The following DIP2A variants were observed in gnomAD, a reference collection of about 807,000 sequenced individuals.
DIP2A encodes the protein disco-interacting protein 2 homolog A.
DIP2A carries 85 observed loss-of-function variants against 177.4 expected under a neutral mutation model. That is an observed-to-expected ratio of 0.48 (90% CI 0.40 to 0.57). DIP2A has a LOEUF of 0.57. Ranked by LOEUF, DIP2A falls within the 20% of genes least tolerant of loss-of-function variation. DIP2A has a pLI of 0.00. For synonymous variants in DIP2A, 886 were observed against 881.8 expected (o/e 1.00, Z -0.08); for missense variants, 1,791 against 2,100.2 (o/e 0.85, Z 2.88).
At chr21:46,488,666 C>T (rs1306137970) in intron 2 of DIP2A, among the ~76,000 whole-genome samples, 1 of 152,294 alleles carries the variant, frequency 6.6e-6, no homozygotes, top group East Asian at 1.9e-4. Context: ...TGGCAAAATT[C>T]TAGAACTTTT....
rs547541983 is a variant in DIP2A, at chr21:46,498,229, T to C, written c.404-353T>C. 2.8e-4 allele frequency among the ~76,000 whole-genome samples: 42 copies of C among 152,324 alleles called. 1 individual carries two copies. In the South Asian group the frequency reaches 8.5e-3, roughly 31 times the overall value. ...GATGTGTGGATATGGTGTCCGACTCTGTGGACATGCAGTGCAGCACTGAAT... is the reference window on the plus strand; with the variant it reads ...GATGTGTGGATATGGTGTCCGACTCCGTGGACATGCAGTGCAGCACTGAAT... On this transcript the variant is annotated intron_variant, in intron 4 of 37. Transcript: ENST00000417564. This position sits in a 1 kb window ranked among gnomAD's most constrained non-coding sequence, Gnocchi z 4.3.
chr21:46,519,347 C>G (rs1027111166), intron 8 of DIP2A, among the ~76,000 whole-genome samples: 1 of 152,108 alleles, frequency 6.6e-6, no homozygotes, highest in Admixed American at 6.5e-5. Flanking sequence ...GGGGTGCAGC[C>G]CAGCAGATCT....
chr21:46,459,234 C>A lies in DIP2A; in HGVS notation c.91+12C>A, dbSNP rs763991675. 22 of 1,520,036 alleles carry A rather than the reference C, an allele frequency of 1.4e-5. No individual in the cohort carries two copies. The South Asian group carries it at 2.3e-4, about 16-fold the overall frequency. The allele number at this position is 1,520,036 out of a possible 1,614,324, so 94.2% of individuals were successfully genotyped here. A position where few individuals can be genotyped will look rare whatever the true frequency, so the allele number is the denominator to read the frequency against. On this transcript the variant is annotated intron_variant, in intron 1 of 37. Transcript: ENST00000417564. ...GGAGCTGTCGGAAGGTGAGCCGGAC[C>A]CCGCCCTCAACCCCCGCGACCCGCC...
intron 16 of DIP2A, 163 bp downstream of exon 16, chr21:46,538,765 TG>T (rs1187029711): frequency 1.8e-6 from 2 of 1,085,270 alleles, no homozygotes; most frequent in African/African-American, 3.2e-5. Flanking sequence ...GGTGATTCAC[TG>T]GTTTATCCCA....
rs2058247569 is a variant in DIP2A, at chr21:46,510,387, C to G, written c.904+1011C>G. Among the ~76,000 whole-genome samples the G allele has an allele frequency of 2.0e-5, 3 of 152,160 alleles. No homozygotes were observed. In the South Asian group the frequency reaches 6.2e-4, roughly 32 times the overall value. ...CGTTAATCTCCTTTGGCAACACCCT[C>G]ACAGACACACCCAGGAAGAATACTT... On this transcript the variant is annotated intron_variant, in intron 7 of 37. Transcript: ENST00000417564.
At chr21:46,572,767 CTGTTA>C (rs1385244974), downstream of DIP2A, among the ~76,000 whole-genome samples, 2 of 152,168 alleles carry the variant, frequency 1.3e-5, no homozygotes, top group Non-Finnish European at 2.9e-5. Context: ...TTCAGGTGTT[CTGTTA>C]TAAGCAACAT....
chr21:46,554,663 C>T lies in DIP2A; in HGVS notation c.3243C>T (p.Gly1081=), dbSNP rs189379480. Residue 1081 remains glycine (G), a synonymous_variant, in exon 27 of 38, where the codon GGC becomes GGT. Transcript: ENST00000417564. ...TVRPPHPQNL[G]TTLPTVKMIV... ...GGCCCCCGCACCCTCAGAACCTCGG[C>T]ACCACACTGCCCACCGTCAAGATGA... is the stretch of plus-strand genomic sequence containing the variant. 1,876 of 1,581,904 alleles carry T rather than the reference C, an allele frequency of 1.2e-3. 5 individuals are homozygous for T. The highest frequency in any genetic ancestry group is 1.2e-3 in the Non-Finnish European group (1,445 of 1,164,808).
At chr21:46,494,133 T>C (rs2057174213) in intron 3 of DIP2A, among the ~76,000 whole-genome samples, 1 of 152,232 alleles carries the variant, frequency 6.6e-6, no homozygotes. Flanking sequence ...TAATAGCAAA[T>C]ATTCAGCCAA....
intron 34 of DIP2A, among the ~76,000 whole-genome samples, chr21:46,562,476 G>A (rs117911182): frequency 1.4e-4 from 22 of 152,336 alleles, no homozygotes; most frequent in South Asian, 6.2e-4. Flanking sequence ...CCCTGACTCC[G>A]TTCACTGCCA....
intron 1 of DIP2A, among the ~76,000 whole-genome samples, chr21:46,474,293 T>G (rs966279384): frequency 6.6e-6 from 1 of 152,186 alleles, no homozygotes; most frequent in African/African-American, 2.4e-5. Context: ...CATTTGGATA[T>G]ATGAGTCTAG....
chr21:46,459,197 T>TGAGCTG lies in DIP2A; in HGVS notation c.79_84dup (p.Glu27_Leu28dup), dbSNP rs1260685078. 1.3e-6 allele frequency: 2 copies of TGAGCTG among 1,525,790 alleles called. No individual in the cohort carries two copies. The highest frequency in any genetic ancestry group is 2.7e-5 in the East Asian group (1 of 37,000). The allele number at this position is 1,525,790 out of a possible 1,614,324, so 94.5% of individuals were successfully genotyped here. On this transcript the variant is annotated inframe_insertion, in exon 1 of 38. Transcript: ENST00000417564. The stretch of plus-strand genomic sequence containing the variant: ...CTGCCGAGGTGCGGGAGAGCCTGGC[T>TGAGCTG]GAGCTGGAGCTGGAGCTGTCGGAAG...
intron 9 of DIP2A, 127 bp downstream of exon 9, chr21:46,529,310 G>T: frequency 1.5e-6 from 1 of 666,930 alleles, no homozygotes; most frequent in Non-Finnish European, 2.5e-6. Flanking sequence ...TTTAAAATCA[G>T]CAGTGAGGAC....
At chr21:46,481,870 G>A (rs1038693935) in intron 1 of DIP2A, among the ~76,000 whole-genome samples, 2 of 152,118 alleles carry the variant, frequency 1.3e-5, no homozygotes, top group Non-Finnish European at 2.9e-5. Flanking sequence ...GGCTAACATG[G>A]TGAAACCCCA....
At chr21:46,514,658 A>G (rs1452825701) in intron 8 of DIP2A, among the ~76,000 whole-genome samples, 4 of 60,890 alleles carry the variant, frequency 6.6e-5, no homozygotes, top group African/African-American at 2.5e-4. Flanking sequence ...TTTTTTTTGC[A>G]CAAGCTAGAA....
chr21:46,554,523 G>A (rs2060387028), intron 26 of DIP2A, 52 bp from the exon 27 acceptor site: 17 of 1,595,830 alleles, frequency 1.1e-5, no homozygotes, highest in Middle Eastern at 3.4e-4. Context: ...AACAGAGGCT[G>A]GTGGGAGCCT....
At chr21:46,509,617 G>T (rs1382036168) in intron 7 of DIP2A, among the ~76,000 whole-genome samples, 1 of 151,972 alleles carries the variant, frequency 6.6e-6, no homozygotes, top group African/African-American at 2.4e-5. Flanking sequence ...TTCTTCTACG[G>T]TTTTATTTAA....
intron 3 of DIP2A, among the ~76,000 whole-genome samples, chr21:46,492,340 A>G (rs569857050): frequency 2.6e-5 from 4 of 152,278 alleles, no homozygotes; most frequent in East Asian, 3.9e-4. Flanking sequence ...GTTCTGTTCT[A>G]TTGATCTATT....
intron 6 of DIP2A, among the ~76,000 whole-genome samples, chr21:46,508,159 A>G (rs920708375): frequency 2.0e-5 from 3 of 151,514 alleles, no homozygotes; most frequent in African/African-American, 4.9e-5. Context: ...TCAGCCTCCC[A>G]AGGAGCAGGG....
rs1216441031 is a variant in DIP2A at position 46,563,274 on chromosome 21, CTG to C, written c.4090-583_4090-582del. Among the ~76,000 whole-genome samples the C allele has an allele frequency of 6.6e-6, 1 of 152,198 alleles. No homozygotes were observed. The highest frequency in any genetic ancestry group is 2.4e-5 in the African/African-American group (1 of 41,446). On this transcript the variant is annotated intron_variant, in intron 34 of 37. Coordinates refer to ENST00000417564, the MANE Select transcript of DIP2A (RefSeq NM_015151.4). The surrounding 1 kb of genome is among the most constrained non-coding windows in gnomAD (Gnocchi z 4.3). ...TGCCCCCATTTCATACGTGAGGAAA[CTG>C]AGGACACAGAACAAGCATCCAGGCC... is the stretch of plus-strand genomic sequence containing the variant.
Sources: allele counts gnomAD v4.1 joint callset (sites outside exome capture counted in the v4.1 genomes callset), GRCh38; gene constraint gnomAD v4.1.1; non-coding constraint Gnocchi (gnomAD v3.1); transcripts MANE v1.5; gene names NCBI Gene and HGNC (gene_info 2026-07-23, HGNC 2026-07-21).